Variants in PRDM9 observed in about 807,000 individuals in gnomAD.
PRDM9 encodes the protein histone-lysine N-methyltransferase PRDM9.
A neutral mutation model predicts 55.6 loss-of-function variants in PRDM9; 47 were observed. That is an observed-to-expected ratio of 0.85 (90% CI 0.67 to 1.08). The LOEUF is 1.08. Among genes scored for constraint, PRDM9 ranks in the 50% least tolerant of loss-of-function variants. The pLI is 0.00. For missense variants in PRDM9, 867 were observed against 1,040.3 expected (o/e 0.83, Z 2.29); for synonymous variants, 312 against 375.7 (o/e 0.83, Z 1.96).
At chr5:23,526,093 G>C (rs1431273398) in intron 10 of PRDM9, 140 bp from the exon 11 acceptor site, 1 of 982,686 alleles carries the variant, frequency 1.0e-6, no homozygotes, top group Non-Finnish European at 1.6e-6. Context: ...GGACTGTAAA[G>C]GTCCATCCAG....
chr5:23,514,689 C>T (rs866078584), intron 4 of PRDM9, among the ~76,000 whole-genome samples: 4 of 152,058 alleles, frequency 2.6e-5, no homozygotes, highest in South Asian at 2.1e-4. Flanking sequence ...ATCTGCCCAC[C>T]TCCTCGGCCT....
intron 4 of PRDM9, among the ~76,000 whole-genome samples, chr5:23,513,446 G>C (rs1739139612): frequency 6.6e-6 from 1 of 152,094 alleles, no homozygotes; most frequent in Non-Finnish European, 1.5e-5. Flanking sequence ...GCCCTTCCCT[G>C]TCTTTCTCTC....
Position 23,524,457 on chromosome 5 carries a change from G to A in PRDM9, c.1074G>A (p.Gly358=), listed in dbSNP as rs561830356. 71 of 1,613,980 alleles carry A rather than the reference G, an allele frequency of 4.4e-5. No homozygotes were observed. In the South Asian group the frequency reaches 7.4e-4, roughly 17 times the overall value. Residue 358 remains glycine (G), a synonymous_variant, in exon 10 of 11, where the codon GGG becomes GGA. Coordinates refer to ENST00000296682, the MANE Select transcript of PRDM9 (RefSeq NM_020227.4). ...GCTGTGAACTGCTGGTCTGGTATGGGGATGAATACGGCCAGGAACTGGGCA... is the reference window on the plus strand; with the variant it reads ...GCTGTGAACTGCTGGTCTGGTATGGAGATGAATACGGCCAGGAACTGGGCA... The part of the protein sequence containing the change: ...RPGCELLVWY[G]DEYGQELGIK...
In PRDM9 at chr5:23,522,778, G is replaced by A. The variant is rs1411464633; in HGVS notation, c.775G>A (p.Gly259Arg). The part of the protein sequence containing the change: ...GPSGIPQAGL[G>R]VWNEASDLPL... ...ATCAGGCATCCCTCAGGCTGGGCTT[G>A]GAGTATGGAATGAGGCATCTGATCT... The change falls in exon 8 of 11, where the codon GGA becomes AGA. Residue 259 changes from glycine to arginine, a missense_variant. Transcript: ENST00000296682. The A allele has an allele frequency of 8.1e-6, 13 of 1,614,090 alleles. No homozygotes were observed. The highest frequency in any genetic ancestry group is 1.1e-5 in the Non-Finnish European group (13 of 1,180,046).
chr5:23,510,996 A>T (rs2126408783), intron 4 of PRDM9, among the ~76,000 whole-genome samples: 1 of 151,922 alleles, frequency 6.6e-6, no homozygotes, highest in East Asian at 2.0e-4. Context: ...AAATTAAAAA[A>T]AAAAAAAAAA....
chr5:23,510,353 G>A (rs763974673), intron 4 of PRDM9, among the ~76,000 whole-genome samples: 16 of 151,594 alleles, frequency 1.1e-4, no homozygotes, highest in African/African-American at 2.2e-4. Flanking sequence ...GAGCCACCAC[G>A]CCTGGCCTAT....
chr5:23,526,748 T>G lies in PRDM9; in HGVS notation c.1660T>G (p.Cys554Gly), dbSNP rs758409152. The change falls in exon 11 of 11, where the codon TGC becomes GGC. Residue 554 changes from cysteine to glycine, a missense_variant. Cys to Gly is a radical substitution (Grantham distance 159, BLOSUM62 -3). This residue lies in a region of PRDM9 where 662 missense variants were observed against 711.9 expected (regional missense o/e 0.93). Transcript: ENST00000296682. Reference protein sequence around the residue: ...RTHTGEKLYVCRECGRGFSWK... With the variant: ...RTHTGEKLYVGRECGRGFSWK... ...ACATACAGGGGAGAAGCTCTACGTCTGCAGGGAGTGTGGGCGGGGCTTTAG... is the reference window on the plus strand; with the variant it reads ...ACATACAGGGGAGAAGCTCTACGTCGGCAGGGAGTGTGGGCGGGGCTTTAG... 6.3e-7 allele frequency: 1 copy of G among 1,598,310 alleles called. No individual in the cohort carries two copies. Among genetic ancestry groups the G allele is most frequent in the South Asian group, 1.1e-5 (1 of 89,404 alleles).
intron 4 of PRDM9, among the ~76,000 whole-genome samples, chr5:23,514,511 C>T (rs1308829265): frequency 6.6e-5 from 10 of 151,922 alleles, no homozygotes; most frequent in South Asian, 2.1e-4. Flanking sequence ...TTCAGTGGTG[C>T]GATCTCAGCT....
intron 6 of PRDM9, 80 bp downstream of exon 6, chr5:23,521,259 G>A: frequency 1.3e-6 from 2 of 1,555,696 alleles, no homozygotes; most frequent in Non-Finnish European, 1.8e-6. Context: ...CCTATGTGGG[G>A]TGGACTTTGC....
Position 23,521,176 on chromosome 5 carries a change from C to T in PRDM9, c.505C>T (p.Leu169=). 1.2e-6 allele frequency: 2 copies of T among 1,612,978 alleles called. No individual in the cohort carries two copies. Among genetic ancestry groups the T allele is most frequent in the South Asian group, 2.2e-5 (2 of 91,030 alleles). ...STSGQHSRLK[L]ELRKKETERK... ...CTCTGGACAGCACTCAAGACTAAAACTGGGTAAGAAAAAATATTTGCGGGG... is the reference window on the plus strand; with the variant it reads ...CTCTGGACAGCACTCAAGACTAAAATTGGGTAAGAAAAAATATTTGCGGGG... The change falls in exon 6 of 11, where the codon CTG becomes TTG. Residue 169 remains leucine (L), a synonymous_variant. Coordinates refer to ENST00000296682, the MANE Select transcript of PRDM9 (RefSeq NM_020227.4).
Position 23,527,418 on chromosome 5 carries a change from T to G in PRDM9, c.2330T>G (p.Val777Gly). The change falls in exon 11 of 11, where the codon GTC becomes GGC. Residue 777 changes from valine (V) to glycine (G), a missense_variant. By Grantham distance (109) the Val-to-Gly change is moderately radical. Coordinates refer to ENST00000296682, the MANE Select transcript of PRDM9 (RefSeq NM_020227.4). ...QRTHTGEKPY[V>G]CRECGRGFRD... ...ACACACACAGGGGAGAAGCCCTATG[T>G]CTGCAGGGAGTGTGGGCGGGGCTTT... The G allele has an allele frequency of 1.9e-6, 3 of 1,595,468 alleles. No homozygotes were observed. In the South Asian group the frequency reaches 3.3e-5, roughly 18 times the overall value.
chr5:23,514,040 T>G (rs1329314344), intron 4 of PRDM9, among the ~76,000 whole-genome samples: 1 of 152,246 alleles, frequency 6.6e-6, no homozygotes. Flanking sequence ...TTCTGTTTTT[T>G]TGACAGAGGC....
In PRDM9 at chr5:23,526,851, G is replaced by A. The variant is rs1181143619; in HGVS notation, c.1763G>A (p.Gly588Asp). 5.0e-6 allele frequency: 8 copies of A among 1,606,218 alleles called. No homozygotes were observed. Among genetic ancestry groups the A allele is most frequent in the East Asian group, 4.5e-5 (2 of 44,182 alleles). The change falls in exon 11 of 11, where the codon GGC (glycine) becomes GAC (aspartate). Residue 588 changes from glycine to aspartate, a missense_variant. Gly to Asp is a moderately conservative substitution (Grantham distance 94). Transcript: ENST00000296682. The stretch of plus-strand genomic sequence containing the variant: ...TATGTCTGCAGGGAGTGTGGGCGGG[G>A]CTTTAGCTGGCAGTCAGTCCTCCTC... ...KPYVCRECGR[G>D]FSWQSVLLTH...
intron 4 of PRDM9, among the ~76,000 whole-genome samples, chr5:23,514,262 TTTTCTGACA>T (rs1454472236): frequency 6.6e-6 from 1 of 152,194 alleles, no homozygotes; most frequent in East Asian, 1.9e-4. Context: ...CAGAAATTTA[TTTTCTGACA>T]TTTCTGAAGC....
At chr5:23,517,842 A>T in intron 4 of PRDM9, 39 bp from the exon 5 acceptor site, 1 of 1,520,176 alleles carries the variant, frequency 6.6e-7, no homozygotes, top group East Asian at 2.3e-5. Flanking sequence ...GTTTGGAAAC[A>T]TTTACCAACC....
Position 23,527,696 on chromosome 5 carries a change from A to C in PRDM9, c.2608A>C (p.Ser870Arg), listed in dbSNP as rs768983375. ...YVCRECGRGFSDRSSLCYHQR... is the reference protein window; with the variant it reads ...YVCRECGRGFRDRSSLCYHQR... ...CTGCAGGGAGTGTGGGCGGGGCTTT[A>C]GCGATAGGTCAAGCCTCTGCTATCA... The change falls in exon 11 of 11, where the codon AGC becomes CGC. Residue 870 changes from serine (S) to arginine (R), a missense_variant. Physicochemically the swap from Ser to Arg is moderately radical, Grantham distance 110. This residue lies in a region of PRDM9 where 86 missense variants were observed against 73.6 expected (regional missense o/e 1.17). Coordinates refer to ENST00000296682, the MANE Select transcript of PRDM9 (RefSeq NM_020227.4). 1 of 1,586,880 alleles carries C rather than the reference A, an allele frequency of 6.3e-7. No homozygotes were observed. The highest frequency in any genetic ancestry group is 8.6e-7 in the Non-Finnish European group (1 of 1,165,942).
rs371827672 is a variant in PRDM9, at chr5:23,522,663, G to A, written c.660G>A (p.Gly220=). ...TCATTGACAGCTGTGCTGCCCATGG[G>A]CCCCCTACATTTGTAAAGGACAGTG... ...NFFIDSCAAH[G]PPTFVKDSAV... The change falls in exon 8 of 11, where the codon GGG becomes GGA. Residue 220 remains glycine, a synonymous_variant. Coordinates refer to ENST00000296682, the MANE Select transcript of PRDM9 (RefSeq NM_020227.4). 3 of 1,614,042 alleles carry A rather than the reference G, an allele frequency of 1.9e-6. No homozygotes were observed. Among genetic ancestry groups the A allele is most frequent in the African/African-American group, 1.3e-5 (1 of 74,932 alleles).
chr5:23,528,009 G>A lies in PRDM9; in HGVS notation c.*236G>A, dbSNP rs1391221610. The A allele has an allele frequency of 3.1e-6, 2 of 647,248 alleles. No individual in the cohort carries two copies. The highest frequency in any genetic ancestry group is 1.8e-5 in the African/African-American group (1 of 54,858). 40.1% of individuals were successfully genotyped at this position (647,248 alleles called of 1,614,324 possible). A position where few individuals can be genotyped will look rare whatever the true frequency, so the allele number is the denominator to read the frequency against. ...TGTTCGGGGGACATCAGCATGTGTG[G>A]TTCTTTCCCGCACTGATCCCCTCCA... On this transcript the variant is annotated 3_prime_UTR_variant, in exon 11 of 11. Coordinates refer to ENST00000296682, the MANE Select transcript of PRDM9 (RefSeq NM_020227.4).
intron 4 of PRDM9, among the ~76,000 whole-genome samples, chr5:23,516,045 T>G (rs1440738961): frequency 2.6e-5 from 4 of 152,226 alleles, no homozygotes; most frequent in African/African-American, 9.6e-5. Context: ...TTTCTGAAAA[T>G]AATGGCATTG....
Sources: gnomAD v4.1 joint callset for allele counts (sites outside exome capture counted in the v4.1 genomes callset) on GRCh38, gnomAD v4.1.1 for gene constraint, gnomAD v4.1.1 regional missense constraint, MANE v1.5 for transcripts, NCBI Gene and HGNC (gene_info 2026-07-23, HGNC 2026-07-21) for gene names.